WBP4: variants seen among roughly 807,000 people sequenced by gnomAD.
WBP4 encodes the protein WW domain binding protein 4.
Under a neutral mutation model 55.4 loss-of-function variants are expected in WBP4, and 37 were observed. That is an observed-to-expected ratio of 0.67 (90% CI 0.51 to 0.88). The LOEUF (loss-of-function observed/expected upper bound fraction) is 0.88, where lower values mean the gene tolerates loss of function less well. Among genes scored for constraint, WBP4 ranks in the 40% least tolerant of loss-of-function variants. The probability of loss-of-function intolerance (pLI) is 0.00; values close to 1 mark genes in which losing one functional copy is unlikely to be tolerated. For synonymous variants in WBP4, 142 were observed against 140.2 expected, an observed-to-expected ratio of 1.01 and a Z score of -0.09; for missense variants, 398 against 420.8, an observed-to-expected ratio of 0.95 and a Z score of 0.47.
intron 5 of WBP4, 98 bp from the exon 6 acceptor site, chr13:41,071,429 T>C: frequency 3.4e-6 from 3 of 886,678 alleles, no homozygotes; most frequent in Non-Finnish European, 5.4e-6. Flanking sequence ...AGACCTGTAG[T>C]GTTTTGTACA....
intron 7 of WBP4, among the ~76,000 whole-genome samples, chr13:41,075,725 T>A (rs1878450733): frequency 6.6e-6 from 1 of 152,098 alleles, no homozygotes; most frequent in Non-Finnish European, 1.5e-5. Context: ...GGAAATCTCT[T>A]GTTTGCTCAT....
At chr13:41,069,964 C>T (rs1438905938) in intron 5 of WBP4, among the ~76,000 whole-genome samples, 2 of 151,012 alleles carry the variant, frequency 1.3e-5, no homozygotes, top group Non-Finnish European at 1.5e-5. Flanking sequence ...TTCCTAAAAA[C>T]TAAATGTATT....
In WBP4 at chr13:41,076,028, A is replaced by G. The variant is rs1878463859; in HGVS notation, c.563-16A>G. 3.7e-6 allele frequency: 6 copies of G among 1,603,004 alleles called. No individual in the cohort carries two copies. Among genetic ancestry groups the G allele is most frequent in the Non-Finnish European group, 5.1e-6 (6 of 1,177,222 alleles). Reference sequence around the variant, plus strand: ...ATTAATAACTAAATAACATGACTTTAAAATGTGTTGAGCAGAATCCAGATG... The same window carrying G: ...ATTAATAACTAAATAACATGACTTTGAAATGTGTTGAGCAGAATCCAGATG... On this transcript the variant is annotated splice_polypyrimidine_tract_variant and intron_variant, in intron 7 of 9. Coordinates refer to ENST00000379487, the MANE Select transcript of WBP4 (RefSeq NM_007187.5).
chr13:41,075,104 A>C (rs1878422181), intron 7 of WBP4, among the ~76,000 whole-genome samples: 1 of 152,190 alleles, frequency 6.6e-6, no homozygotes, highest in Non-Finnish European at 1.5e-5. Context: ...GTTTGCCTTG[A>C]ATGATTTTGG....
chr13:41,063,600 C>G (rs1353781657), intron 2 of WBP4, among the ~76,000 whole-genome samples: 1 of 152,018 alleles, frequency 6.6e-6, no homozygotes, highest in Non-Finnish European at 1.5e-5. Flanking sequence ...GTCTCTCTTT[C>G]TTGGAGGTAC....
intron 9 of WBP4, among the ~76,000 whole-genome samples, 178 bp from the exon 10 acceptor site, chr13:41,082,526 C>T (rs1269806490): frequency 6.6e-6 from 1 of 152,136 alleles, no homozygotes; most frequent in African/African-American, 2.4e-5. Flanking sequence ...CAGCATTTAT[C>T]CACCTGAATA....
In WBP4 at chr13:41,076,235, A is replaced by C. The variant is rs751225390; in HGVS notation, c.754A>C (p.Lys252Gln). 1.9e-6 allele frequency: 3 copies of C among 1,557,936 alleles called. No homozygotes were observed. The highest frequency in any genetic ancestry group is 2.6e-6 in the Non-Finnish European group (3 of 1,161,138). The change falls in exon 8 of 10, where the codon AAG becomes CAG. Residue 252 changes from lysine (K) to glutamine (Q), a missense_variant and splice_region_variant. By Grantham distance (53) the Lys-to-Gln change is moderately conservative. Coordinates refer to ENST00000379487, the MANE Select transcript of WBP4 (RefSeq NM_007187.5). The part of the protein sequence containing the change: ...TETEKPKIKF[K>Q]EKNKNSDGGS... ...GACAGAAAAGCCAAAAATAAAGTTT[A>C]AGGTAGGTTTTTAAATTTTACTCTT... is the stretch of plus-strand genomic sequence containing the variant.
At chr13:41,076,547 C>T (rs779354185) in intron 8 of WBP4, among the ~76,000 whole-genome samples, 5 of 152,060 alleles carry the variant, frequency 3.3e-5, no homozygotes, top group Non-Finnish European at 5.9e-5. Flanking sequence ...TCCCAAAGTG[C>T]TGGGATTACA....
chr13:41,081,064 G>A (rs980865894), intron 9 of WBP4, among the ~76,000 whole-genome samples: 1 of 152,076 alleles, frequency 6.6e-6, no homozygotes, highest in Admixed American at 6.6e-5. Flanking sequence ...GGGTGTGGTG[G>A]CATGTAGCTG....
At chr13:41,076,279 T>A in intron 8 of WBP4, 42 bp downstream of exon 8, 3 of 1,358,178 alleles carry the variant, frequency 2.2e-6, no homozygotes, top group Non-Finnish European at 2.9e-6. Context: ...ATTTTTTTTT[T>A]TTTTTTTTTT....
At chr13:41,082,126 A>C (rs953914044) in intron 9 of WBP4, among the ~76,000 whole-genome samples, 1 of 152,176 alleles carries the variant, frequency 6.6e-6, no homozygotes, top group Admixed American at 6.5e-5. Flanking sequence ...TTCTTAGCAA[A>C]GGAGTGCTAG....
intron 5 of WBP4, among the ~76,000 whole-genome samples, chr13:41,069,658 A>T (rs1487321624): frequency 1.4e-5 from 2 of 142,580 alleles, no homozygotes; most frequent in Non-Finnish European, 3.0e-5. Flanking sequence ...GTGAGCGTAG[A>T]TTGGGCCACT....
At chr13:41,061,805 G>T (rs1227330786) in intron 1 of WBP4, 130 bp downstream of exon 1, 3 of 1,467,424 alleles carry the variant, frequency 2.0e-6, no homozygotes, top group South Asian at 1.2e-5. Context: ...TAACTCGCTC[G>T]GGACCGGCCC....
rs112631379 is a variant in WBP4, at chr13:41,075,938, C to T, written c.563-106C>T. ...CTTGATCAAGAGATAGTATGAAATA[C>T]ATACAGTATTGTCATTTAATAATTG... On this transcript the variant is annotated intron_variant, in intron 7 of 9. Transcript: ENST00000379487. The T allele has an allele frequency of 4.5e-4, 525 of 1,164,292 alleles. 2 individuals carry two copies. The highest frequency in any genetic ancestry group is 1.1e-4 in the Non-Finnish European group (90 of 819,210). The allele number at this position is 1,164,292 out of a possible 1,614,324, so 72.1% of individuals were successfully genotyped here.
At chr13:41,074,583 A>C (rs1026483856) in intron 7 of WBP4, among the ~76,000 whole-genome samples, 2 of 152,184 alleles carry the variant, frequency 1.3e-5, no homozygotes, top group Admixed American at 6.5e-5. Context: ...TGTGGGTGTT[A>C]CTGAGCCTAT....
Position 41,083,021 on chromosome 13 carries a change from T to A in WBP4, c.*107T>A. 8 of 1,030,178 alleles carry A rather than the reference T, an allele frequency of 7.8e-6. No homozygotes were observed. Among genetic ancestry groups the A allele is most frequent in the Non-Finnish European group, 8.4e-6 (6 of 715,242 alleles). The allele number at this position is 1,030,178 out of a possible 1,614,324, so 63.8% of individuals were successfully genotyped here. A position where few individuals can be genotyped will look rare whatever the true frequency, so the allele number is the denominator to read the frequency against. ...TATTATGATGCTAAAAATTTAGATT[T>A]ATTCTAAATGTATTTGATGTGAATT... On this transcript the variant is annotated 3_prime_UTR_variant, in exon 10 of 10. Transcript: ENST00000379487.
At chr13:41,065,130 A>G in intron 3 of WBP4, 34 bp from the exon 4 acceptor site, 1 of 1,602,854 alleles carries the variant, frequency 6.2e-7, no homozygotes, top group Non-Finnish European at 8.5e-7. Flanking sequence ...TCAGTCCTTT[A>G]TCTCACTTTC....
rs776125777 is a variant in WBP4, at chr13:41,068,558, T to C, written c.263-3T>C. ...CTGCTTTACCCTTCTCTCATCTCTT[T>C]AGAAATTTTGGAGCCAAGCATAACA... On this transcript the variant is annotated splice_region_variant and splice_polypyrimidine_tract_variant and intron_variant, in intron 4 of 9. Transcript: ENST00000379487. 9.9e-5 allele frequency: 157 copies of C among 1,590,260 alleles called. No individual in the cohort carries two copies. Among genetic ancestry groups the C allele is most frequent in the Non-Finnish European group, 1.3e-4 (148 of 1,171,960 alleles).
chr13:41,072,295 A>G (rs939440880), intron 6 of WBP4, among the ~76,000 whole-genome samples: 1 of 152,184 alleles, frequency 6.6e-6, no homozygotes, highest in African/African-American at 2.4e-5. Context: ...TTGCATTGCT[A>G]TAAAGAAATA....
Sources: gnomAD v4.1 joint callset for allele counts (sites outside exome capture counted in the v4.1 genomes callset) on GRCh38, gnomAD v4.1.1 for gene constraint, MANE v1.5 for transcripts, NCBI Gene and HGNC (gene_info 2026-07-23, HGNC 2026-07-21) for gene names.